Variants in CNTN6 observed in about 807,000 individuals in gnomAD.
CNTN6 encodes contactin-6.
In CNTN6, 137 loss-of-function variants were observed where a neutral mutation model predicts 122.8. The observed-to-expected ratio is 1.12, with a 90% confidence interval of 0.97 to 1.29. CNTN6 has a LOEUF of 1.29. Ranked by LOEUF, CNTN6 falls within the 50% of genes most tolerant of loss-of-function variation. The probability of loss-of-function intolerance (pLI) is 0.00; values close to 1 mark genes in which losing one functional copy is unlikely to be tolerated. For synonymous variants in CNTN6, 570 were observed against 426.0 expected (o/e 1.34, Z -4.16); for missense variants, 1,634 against 1,223.4 (o/e 1.34, Z -5.01).
At chr3:1,115,113 A>T (rs1574899039) in intron 1 of CNTN6, among the ~76,000 whole-genome samples, 1 of 152,170 alleles carries the variant, frequency 6.6e-6, no homozygotes, top group Admixed American at 6.6e-5. Flanking sequence ...AGTTTATATG[A>T]TCCTTCTGTG....
intron 4 of CNTN6, among the ~76,000 whole-genome samples, chr3:1,255,015 C>G (rs532777509): frequency 6.6e-6 from 1 of 152,016 alleles, no homozygotes; most frequent in East Asian, 1.9e-4. Context: ...TTGGCCCAGG[C>G]TGGGGCAACT....
intron 1 of CNTN6, among the ~76,000 whole-genome samples, chr3:1,105,542 C>T (rs1387659569): frequency 6.6e-6 from 1 of 152,002 alleles, no homozygotes; most frequent in African/African-American, 2.4e-5. Flanking sequence ...ACAGTGCAGC[C>T]GGTAATACCT....
At chr3:1,152,847 C>T (rs897206921) in intron 2 of CNTN6, among the ~76,000 whole-genome samples, 1 of 152,188 alleles carries the variant, frequency 6.6e-6, no homozygotes, top group African/African-American at 2.4e-5. Flanking sequence ...AGAAGATCTG[C>T]AGTCCTTAAG....
intron 4 of CNTN6, among the ~76,000 whole-genome samples, chr3:1,245,221 T>TATATATATATAAC (rs2094548026): frequency 5.3e-5 from 1 of 18,770 alleles, no homozygotes. Flanking sequence ...TATATATATA[T>TATATATATATAAC]ATATATATAT....
chr3:1,181,613 T>A (rs1056266411), intron 2 of CNTN6, among the ~76,000 whole-genome samples: 6 of 152,160 alleles, frequency 3.9e-5, no homozygotes, highest in African/African-American at 1.4e-4. Context: ...TGTGTGTATG[T>A]GTGTCTCCAG....
intron 17 of CNTN6, among the ~76,000 whole-genome samples, chr3:1,381,727 C>G (rs1355798024): frequency 6.6e-6 from 1 of 152,172 alleles, no homozygotes; most frequent in Non-Finnish European, 1.5e-5. Context: ...CATCTGTTTT[C>G]TCTTAGCTTC....
intron 4 of CNTN6, among the ~76,000 whole-genome samples, chr3:1,267,090 G>A (rs558988013): frequency 5.3e-4 from 80 of 151,054 alleles, no homozygotes; most frequent in Admixed American, 1.5e-3. Context: ...TAATTTTTTG[G>A]ATAGCCTGAA....
chr3:1,376,229 A>G (rs1709840856), intron 16 of CNTN6, among the ~76,000 whole-genome samples: 1 of 152,100 alleles, frequency 6.6e-6, no homozygotes, highest in Non-Finnish European at 1.5e-5. Context: ...GCACTACAAT[A>G]CCATATACAC....
At chr3:1,299,920 CTT>C (rs1271056851) in intron 7 of CNTN6, among the ~76,000 whole-genome samples, 2 of 152,114 alleles carry the variant, frequency 1.3e-5, no homozygotes, top group African/African-American at 4.8e-5. Flanking sequence ...AACATTAAGA[CTT>C]GGCATTTATG....
intron 17 of CNTN6, 111 bp downstream of exon 17, chr3:1,377,186 T>C (rs1709995797): frequency 4.4e-6 from 3 of 685,986 alleles, no homozygotes; most frequent in Non-Finnish European, 7.2e-6. Flanking sequence ...TAAAAAAATA[T>C]GGTATAAAAA....
chr3:1,368,287 C>T (rs1019651796), intron 12 of CNTN6, among the ~76,000 whole-genome samples: 13 of 152,264 alleles, frequency 8.5e-5, no homozygotes, highest in Admixed American at 8.5e-4. Context: ...TCAGAGGAAA[C>T]ATTAAGATTC....
chr3:1,242,255 C>T (rs1340688102), intron 4 of CNTN6, among the ~76,000 whole-genome samples: 7 of 151,568 alleles, frequency 4.6e-5, no homozygotes, highest in South Asian at 4.2e-4. Flanking sequence ...GAGGCTGGGA[C>T]GAGGGGTGCA....
chr3:1,332,517 AGGAAGGAAGGAAGGAG>A (rs1702446280), intron 11 of CNTN6, among the ~76,000 whole-genome samples: 1 of 117,884 alleles, frequency 8.5e-6, no homozygotes, highest in Non-Finnish European at 1.7e-5. Flanking sequence ...GAAGGAAGGA[AGGAAGGAAGGAAGGAG>A]GGAGGGAAGG....
chr3:1,113,743 C>G (rs1042937637), intron 1 of CNTN6, among the ~76,000 whole-genome samples: 1 of 152,094 alleles, frequency 6.6e-6, no homozygotes, highest in Non-Finnish European at 1.5e-5. Flanking sequence ...TGATAGAATT[C>G]TAGTTTTAAC....
At chr3:1,202,188 CAAAG>C (rs1415432518) in intron 2 of CNTN6, among the ~76,000 whole-genome samples, 2 of 152,138 alleles carry the variant, frequency 1.3e-5, no homozygotes, top group Non-Finnish European at 2.9e-5. Context: ...ATAAAGAACA[CAAAG>C]AAAGAATGCA....
chr3:1,242,437 G>C (rs1028273795), intron 4 of CNTN6, among the ~76,000 whole-genome samples: 9 of 152,140 alleles, frequency 5.9e-5, no homozygotes, highest in African/African-American at 9.7e-5. Flanking sequence ...CCGGTTTTTG[G>C]ACAGGTAAAA....
chr3:1,197,493 T>A (rs752432801), intron 2 of CNTN6, among the ~76,000 whole-genome samples: 10 of 152,198 alleles, frequency 6.6e-5, no homozygotes, highest in Non-Finnish European at 1.2e-4. Flanking sequence ...CCAAGTCAAT[T>A]ACACACATTT....
At chr3:1,400,978 G>A (rs1177355755) in intron 20 of CNTN6, among the ~76,000 whole-genome samples, 1 of 152,036 alleles carries the variant, frequency 6.6e-6, no homozygotes, top group Non-Finnish European at 1.5e-5. Context: ...AGTTAGTTGT[G>A]TTACAGTTAG....
Position 1,390,411 on chromosome 3 carries a change from G to A in CNTN6, c.2704+4614G>A, listed in dbSNP as rs1693941814. ...GAATCTCTGGGATGCATTCAAAGCA[G>A]TGTGTAGAGGGAAATTTATAGCACT... is the stretch of plus-strand genomic sequence containing the variant. On this transcript the variant is annotated intron_variant, in intron 20 of 22. Coordinates refer to ENST00000446702, the MANE Select transcript of CNTN6 (RefSeq NM_001289080.2). Among the ~76,000 whole-genome samples the A allele has an allele frequency of 2.0e-5, 3 of 151,522 alleles. 1 individual carries two copies. The South Asian group carries it at 6.3e-4, about 32-fold the overall frequency.
Sources: gnomAD v4.1 joint callset for allele counts (sites outside exome capture counted in the v4.1 genomes callset) on GRCh38, gnomAD v4.1.1 for gene constraint, MANE v1.5 for transcripts, NCBI Gene and HGNC (gene_info 2026-07-23, HGNC 2026-07-21) for gene names.